Variants in OSGIN1 observed in about 807,000 individuals in gnomAD.
OSGIN1 encodes the protein oxidative stress induced growth inhibitor 1.
Under a neutral mutation model 20.1 loss-of-function variants are expected in OSGIN1, and 19 were observed. The observed-to-expected ratio is 0.95, with a 90% CI of 0.66 to 1.39. OSGIN1 has a LOEUF of 1.39. OSGIN1 is among the 40% of genes most tolerant of loss of function. OSGIN1 has a pLI of 0.00. For synonymous variants in OSGIN1, 368 were observed against 297.8 expected, an observed-to-expected ratio of 1.24 and a Z score of -2.43; for missense variants, 820 against 653.0, an observed-to-expected ratio of 1.26 and a Z score of -2.79.
chr16:83,964,998 G>GGCCCCCCCCCCC, intron 5 of OSGIN1, 64 bp from the exon 6 acceptor site: 1 of 498,788 alleles, frequency 2.0e-6, no homozygotes, highest in Non-Finnish European at 3.9e-6. Flanking sequence ...GACATCTCCC[G>GGCCCCCCCCCCC]TCCCACCCAG....
intron 1 of OSGIN1, chr16:83,957,129 C>G (rs922218779): frequency 6.4e-6 from 1 of 156,540 alleles, no homozygotes; most frequent in South Asian, 1.7e-4. Flanking sequence ...GAGGTAGGGA[C>G]TCATTGCTTC....
In OSGIN1 at chr16:83,953,285, G is replaced by A; in HGVS notation, c.-118G>A. 2.3e-6 allele frequency: 3 copies of A among 1,288,572 alleles called. No homozygotes were observed. Among genetic ancestry groups the A allele is most frequent in the African/African-American group, 3.0e-5 (2 of 65,968 alleles). 79.8% of individuals were successfully genotyped at this position (1,288,572 alleles called of 1,614,324 possible). On this transcript the variant is annotated 5_prime_UTR_variant, in exon 1 of 6. Coordinates refer to ENST00000393306, the MANE Select transcript of OSGIN1 (RefSeq NM_182981.3). ...AGGGTAATGGGTGTCCCGATCTCGC[G>A]GGGGACTCTGTGATCCGTGTTCCCC... is the stretch of plus-strand genomic sequence containing the variant.
At chr16:83,963,106 C>T (rs527867802) in intron 5 of OSGIN1, among the ~76,000 whole-genome samples, 4 of 152,324 alleles carry the variant, frequency 2.6e-5, no homozygotes, top group African/African-American at 7.2e-5. Flanking sequence ...GCCTGTGTCC[C>T]CAACGGCAGG....
At position 83,965,485 on chromosome 16, in the gene OSGIN1, C is replaced by T; in HGVS notation, c.912C>T (p.Ala304=). 4 of 1,610,150 alleles carry T rather than the reference C, an allele frequency of 2.5e-6. No homozygotes were observed. Among genetic ancestry groups the T allele is most frequent in the Non-Finnish European group, 3.4e-6 (4 of 1,179,876 alleles). The change falls in exon 6 of 6, where the codon GCC becomes GCT. Residue 304 remains alanine (A), a synonymous_variant. Coordinates refer to ENST00000393306, the MANE Select transcript of OSGIN1 (RefSeq NM_182981.3). ...CAGCGGCCGACGCGGTCCTCTACGC[C>T]CGCCACTACAACATCCCGGTGATCC... ...GLSAADAVLY[A]RHYNIPVIHA...
intron 3 of OSGIN1, 128 bp downstream of exon 3, chr16:83,959,524 C>T (rs1002462189): frequency 2.1e-6 from 2 of 935,400 alleles, no homozygotes; most frequent in Non-Finnish European, 3.1e-6. Flanking sequence ...ATTCGAGAGT[C>T]CACAAAGTCA....
intron 1 of OSGIN1, among the ~76,000 whole-genome samples, chr16:83,955,161 G>C (rs1567654105): frequency 6.6e-6 from 1 of 152,160 alleles, no homozygotes; most frequent in Admixed American, 6.5e-5. Flanking sequence ...CTGTTCCCGG[G>C]GACCATGATG....
At position 83,957,735 on chromosome 16, in the gene OSGIN1, G is replaced by C; in HGVS notation, c.64G>C (p.Val22Leu). 1 of 1,581,122 alleles carries C rather than the reference G, an allele frequency of 6.3e-7. No homozygotes were observed. Among genetic ancestry groups the C allele is most frequent in the Non-Finnish European group, 8.6e-7 (1 of 1,160,746 alleles). The change falls in exon 2 of 6, where the codon GTG becomes CTG. Residue 22 changes from valine (V) to leucine (L), a missense_variant. Transcript: ENST00000393306. Reference sequence around the variant, plus strand: ...CTCAGAGCCCCTCCCGGTCATCATTGTGGGTGAGTGTCAGGCCCCAGCCAG... The same window carrying C: ...CTCAGAGCCCCTCCCGGTCATCATTCTGGGTGAGTGTCAGGCCCCAGCCAG... ...SSSEPLPVII[V>L]GNGPSGICLS...
intron 1 of OSGIN1, chr16:83,957,002 C>T (rs1360702681): frequency 6.6e-6 from 1 of 152,392 alleles, no homozygotes; most frequent in African/African-American, 2.4e-5. Context: ...CTTCCATTTC[C>T]CCAAGTCCAT....
In OSGIN1 at chr16:83,965,750, C is replaced by CT; in HGVS notation, c.1178dup (p.Val394GlyfsTer18). 6.2e-7 allele frequency: 1 copy of CT among 1,613,504 alleles called. No homozygotes were observed. The highest frequency in any genetic ancestry group is 8.5e-7 in the Non-Finnish European group (1 of 1,179,970). On this transcript the variant is annotated frameshift_variant, in exon 6 of 6. Transcript: ENST00000393306. LOFTEE classifies it low-confidence loss of function (END_TRUNC). Reference sequence around the variant, plus strand: ...GAAGGTGTTTGGGGTCTCCCTGGTGCTGGTCCTCATCGGCTCCCACCCCGA... The same window carrying CT: ...GAAGGTGTTTGGGGTCTCCCTGGTGCTTGGTCCTCATCGGCTCCCACCCCGA...
At chr16:83,961,106 G>A (rs2151077557) in intron 5 of OSGIN1, 34 bp downstream of exon 5, 1 of 1,538,908 alleles carries the variant, frequency 6.5e-7, no homozygotes, top group Non-Finnish European at 9.0e-7. Context: ...GGGGGACACG[G>A]AAGGTTGGGC....
In OSGIN1 at chr16:83,965,500, C is replaced by A; in HGVS notation, c.927C>A (p.Ile309=). ...TCCTCTACGCCCGCCACTACAACAT[C>A]CCGGTGATCCATGCCTTCCGCCGGG... is the stretch of plus-strand genomic sequence containing the variant. ...DAVLYARHYN[I]PVIHAFRRAV... Residue 309 remains isoleucine (I), a synonymous_variant, in exon 6 of 6, where the codon ATC becomes ATA. Transcript: ENST00000393306. 6.2e-7 allele frequency: 1 copy of A among 1,611,706 alleles called. No individual in the cohort carries two copies. The highest frequency in any genetic ancestry group is 8.5e-7 in the Non-Finnish European group (1 of 1,179,966).
rs1375510758 is a variant in OSGIN1, at chr16:83,960,555, A to G, written c.205-14A>G. The G allele has an allele frequency of 1.9e-6, 3 of 1,610,034 alleles. No homozygotes were observed. Among genetic ancestry groups the G allele is most frequent in the African/African-American group, 1.3e-5 (1 of 74,804 alleles). ...CCTCCTCCAGCAGCCCCTCTGACCT[A>G]TGCCCCCCTCCAGGACCTGGACTAC... On this transcript the variant is annotated splice_polypyrimidine_tract_variant and intron_variant, in intron 3 of 5. Transcript: ENST00000393306.
intron 1 of OSGIN1, among the ~76,000 whole-genome samples, chr16:83,953,572 G>C (rs1280329601): frequency 6.6e-6 from 1 of 152,212 alleles, no homozygotes; most frequent in Non-Finnish European, 1.5e-5. Context: ...ATCCTCAGCT[G>C]TGTCCCTGTC....
Position 83,960,710 on chromosome 16 carries a change from G to C in OSGIN1, c.346G>C (p.Ala116Pro), listed in dbSNP as rs775769611. ...VLTWKHRKEH[A>P]IPHVVLGRNL... is the part of the protein sequence containing the mutation. Reference sequence around the variant, plus strand: ...CACCTGGAAGCACCGGAAGGAGCACGCCATCCCCCACGTGGTTCTGGGCCG... The same window carrying C: ...CACCTGGAAGCACCGGAAGGAGCACCCCATCCCCCACGTGGTTCTGGGCCG... Residue 116 changes from alanine (A) to proline (P), a missense_variant, in exon 4 of 6, where the codon GCC (alanine) becomes CCC (proline). Physicochemically the swap from Ala to Pro is conservative, Grantham distance 27. Coordinates refer to ENST00000393306, the MANE Select transcript of OSGIN1 (RefSeq NM_182981.3). 6.2e-7 allele frequency: 1 copy of C among 1,613,498 alleles called. No homozygotes were observed. The highest frequency in any genetic ancestry group is 8.5e-7 in the Non-Finnish European group (1 of 1,180,020).
intron 5 of OSGIN1, among the ~76,000 whole-genome samples, chr16:83,963,912 C>T (rs574974732): frequency 6.6e-6 from 1 of 152,328 alleles, no homozygotes; most frequent in Admixed American, 6.5e-5. Context: ...ATCCAAACAA[C>T]AACAACAATA....
chr16:83,957,457 C>T (rs1318977781), intron 1 of OSGIN1, among the ~76,000 whole-genome samples, 183 bp from the exon 2 acceptor site: 1 of 152,146 alleles, frequency 6.6e-6, no homozygotes, highest in Non-Finnish European at 1.5e-5. Context: ...GTGGGGCAAA[C>T]AGCCTGTTTG....
chr16:83,953,460 G>T, intron 1 of OSGIN1, 90 bp downstream of exon 1: 1 of 1,178,930 alleles, frequency 8.5e-7, no homozygotes, highest in East Asian at 5.9e-5. Flanking sequence ...GGTCTGCAGA[G>T]CCCTGGCGCC....
At chr16:83,956,612 C>T (rs1030142872) in intron 1 of OSGIN1, among the ~76,000 whole-genome samples, 5 of 152,190 alleles carry the variant, frequency 3.3e-5, no homozygotes, top group African/African-American at 7.2e-5. Flanking sequence ...GAAGTTTGTG[C>T]GACCTCTCTG....
At chr16:83,959,875 G>A (rs531206214) in intron 3 of OSGIN1, among the ~76,000 whole-genome samples, 139 of 152,140 alleles carry the variant, frequency 9.1e-4, no homozygotes, top group Admixed American at 4.5e-3. Flanking sequence ...ATGTCAGTGC[G>A]GCCAAGGTTG....
Sources: allele counts gnomAD v4.1 joint callset (sites outside exome capture counted in the v4.1 genomes callset), GRCh38; gene constraint gnomAD v4.1.1; transcripts MANE v1.5; gene names NCBI Gene and HGNC (gene_info 2026-07-23, HGNC 2026-07-21).